RBFOX2: variants seen among roughly 807,000 people sequenced by gnomAD.
The protein encoded by RBFOX2 is RNA binding fox-1 homolog 2.
In RBFOX2, 10 loss-of-function variants were observed where a neutral mutation model predicts 49.1. The ratio of observed to expected loss-of-function variants is 0.20; its 90% CI spans 0.13 to 0.35. The LOEUF is 0.35. Ranked by LOEUF, RBFOX2 falls within the 10% of genes least tolerant of loss-of-function variation. RBFOX2 has a pLI of 1.00. For synonymous variants in RBFOX2, 183 were observed against 187.4 expected, an observed-to-expected ratio of 0.98 and a Z score of 0.19; for missense variants, 323 against 486.9, an observed-to-expected ratio of 0.66 and a Z score of 3.17.
At chr22:35,930,684 G>C (rs111580758) in intron 1 of RBFOX2, among the ~76,000 whole-genome samples, 6,760 of 151,884 alleles carry the variant, frequency 0.045, 484 homozygotes, top group African/African-American at 0.16. Flanking sequence ...ATAAAAAGTA[G>C]TCGGGTTTGG....
chr22:35,807,499 C>G (rs548789782), intron 2 of RBFOX2, among the ~76,000 whole-genome samples: 5 of 151,640 alleles, frequency 3.3e-5, no homozygotes, highest in Admixed American at 1.3e-4. Flanking sequence ...CCTATGCAAC[C>G]CAGGAGCAAA....
chr22:35,997,049 T>C (rs552277761), intron 1 of RBFOX2: 20 of 152,298 alleles, frequency 1.3e-4, no homozygotes, highest in African/African-American at 4.8e-4. Context: ...GAATAGGGAT[T>C]TACTGGCATT....
chr22:35,787,228 T>C (rs1946593402), intron 2 of RBFOX2, among the ~76,000 whole-genome samples: 1 of 152,002 alleles, frequency 6.6e-6, no homozygotes, highest in African/African-American at 2.4e-5. Context: ...TTTGTAGAAA[T>C]GGGGTTTTGC....
At chr22:35,913,474 C>A in intron 1 of RBFOX2, among the ~76,000 whole-genome samples, 1 of 143,406 alleles carries the variant, frequency 7.0e-6, no homozygotes, top group Non-Finnish European at 1.5e-5. Flanking sequence ...CCTGTTATTT[C>A]TATTGTGTGT....
At chr22:35,911,549 T>G (rs2049833918) in intron 1 of RBFOX2, among the ~76,000 whole-genome samples, 1 of 152,204 alleles carries the variant, frequency 6.6e-6, no homozygotes, top group Non-Finnish European at 1.5e-5. Context: ...AGAGGAAAGC[T>G]AATCAAGGGA....
chr22:35,746,326 T>C, intron 10 of RBFOX2, 147 bp downstream of exon 12: 1 of 725,368 alleles, frequency 1.4e-6, no homozygotes, highest in Non-Finnish European at 2.3e-6. Context: ...ACAGAGGCCA[T>C]CAAGAGGTCT....
At chr22:35,798,805 A>G (rs1603086702) in intron 2 of RBFOX2, among the ~76,000 whole-genome samples, 1 of 152,216 alleles carries the variant, frequency 6.6e-6, no homozygotes, top group Admixed American at 6.5e-5. Flanking sequence ...TTTCCTAATT[A>G]TCCAGTTAGG....
At chr22:35,782,946 A>C (rs1429254940) in intron 2 of RBFOX2, among the ~76,000 whole-genome samples, 1 of 152,176 alleles carries the variant, frequency 6.6e-6, no homozygotes, top group African/African-American at 2.4e-5. Context: ...GCACACAAGA[A>C]TCACATGCAG....
chr22:35,884,281 G>A (rs1272911641), intron 1 of RBFOX2, among the ~76,000 whole-genome samples: 1 of 152,146 alleles, frequency 6.6e-6, no homozygotes, highest in African/African-American at 2.4e-5. Context: ...ACAGATGTGA[G>A]CCACCACACC....
chr22:35,896,017 C>T (rs1047990034), intron 1 of RBFOX2, among the ~76,000 whole-genome samples: 2 of 152,030 alleles, frequency 1.3e-5, no homozygotes, highest in African/African-American at 4.8e-5. Flanking sequence ...CGTAATTATC[C>T]CCCATATTCT....
chr22:35,878,214 C>G (rs570576170), intron 1 of RBFOX2, among the ~76,000 whole-genome samples: 1 of 151,976 alleles, frequency 6.6e-6, no homozygotes, highest in Non-Finnish European at 1.5e-5. Flanking sequence ...CTGGCGAACA[C>G]GGTGAAACCC....
chr22:35,987,944 G>A (rs368839676), intron 1 of RBFOX2, among the ~76,000 whole-genome samples: 10 of 152,292 alleles, frequency 6.6e-5, no homozygotes, highest in South Asian at 2.1e-4. Context: ...CAAACTTCCC[G>A]GAAGAAGAAT....
intron 1 of RBFOX2, among the ~76,000 whole-genome samples, chr22:35,873,418 C>T (rs1445540400): frequency 6.6e-6 from 1 of 152,034 alleles, no homozygotes; most frequent in Non-Finnish European, 1.5e-5. Flanking sequence ...CCACACCCGA[C>T]CCTGAATGGG....
chr22:35,917,479 C>T (rs12159024), intron 1 of RBFOX2, among the ~76,000 whole-genome samples: 19 of 152,292 alleles, frequency 1.2e-4, no homozygotes, highest in African/African-American at 4.6e-4. Flanking sequence ...TCACATTATG[C>T]TAGGCAAAAA....
intron 1 of RBFOX2, among the ~76,000 whole-genome samples, chr22:35,933,939 T>TAC (rs1166448396): frequency 8.4e-6 from 1 of 119,736 alleles, no homozygotes; most frequent in Non-Finnish European, 1.8e-5. Context: ...TATATATATA[T>TAC]ATATATATAT....
chr22:35,813,604 TAA>T (rs1186794080), intron 1 of RBFOX2, among the ~76,000 whole-genome samples: 1 of 152,190 alleles, frequency 6.6e-6, no homozygotes, highest in Non-Finnish European at 1.5e-5. Flanking sequence ...GCATCCCCTA[TAA>T]GACATTGAAA....
intron 1 of RBFOX2, among the ~76,000 whole-genome samples, chr22:35,816,918 C>A (rs1208281006): frequency 6.6e-6 from 1 of 152,140 alleles, no homozygotes; most frequent in East Asian, 1.9e-4. Context: ...GCAAAGATGA[C>A]CATATTTTAT....
upstream of RBFOX2, among the ~76,000 whole-genome samples, chr22:35,965,814 T>C (rs1234869033): frequency 1.3e-5 from 2 of 152,104 alleles, no homozygotes; most frequent in Admixed American, 1.3e-4. Context: ...TCAGTATGTG[T>C]ATGAAGGGAA....
upstream of RBFOX2, among the ~76,000 whole-genome samples, chr22:35,966,140 C>A (rs2056546576): frequency 6.6e-6 from 1 of 152,212 alleles, no homozygotes; most frequent in African/African-American, 2.4e-5. Flanking sequence ...ATTATGCATT[C>A]TTTTGTGTTG....
Sources: gnomAD v4.1 joint callset for allele counts (sites outside exome capture counted in the v4.1 genomes callset) on GRCh38, gnomAD v4.1.1 for gene constraint, MANE v1.5 for transcripts, NCBI Gene and HGNC (gene_info 2026-07-23, HGNC 2026-07-21) for gene names.